AXDND1: variants seen among roughly 807,000 people sequenced by gnomAD.
The protein encoded by AXDND1 is axonemal dynein light chain domain containing 1.
In AXDND1, 110 loss-of-function variants were observed where a neutral mutation model predicts 137.5. The observed-to-expected ratio is 0.80, with a 90% CI of 0.69 to 0.94. The LOEUF (loss-of-function observed/expected upper bound fraction) is 0.94, where lower values mean the gene tolerates loss of function less well. AXDND1 is among the 40% of genes least tolerant of loss of function. The pLI, the probability that AXDND1 is intolerant of heterozygous loss-of-function variation, is 0.00. For missense variants in AXDND1, 1,191 were observed against 1,169.8 expected, an observed-to-expected ratio of 1.02 and a Z score of -0.26; for synonymous variants, 414 against 399.7, an observed-to-expected ratio of 1.04 and a Z score of -0.43.
At chr1:179,527,627 A>G (rs1255745745) in intron 22 of AXDND1, among the ~76,000 whole-genome samples, 2 of 152,206 alleles carry the variant, frequency 1.3e-5, no homozygotes, top group Non-Finnish European at 2.9e-5. Flanking sequence ...TTAATATCCT[A>G]TATAAGCAAG....
In AXDND1 at chr1:179,414,411, C is replaced by CTTTATTTATTTATTTA. The variant is rs80339851; in HGVS notation, c.1230+3157_1230+3172dup. ...AGATGTCAGTTCTCTCCAAATTAAT[C>CTTTATTTATTTATTTA]TTTATTTATTTATTTATTTATTTAT... On this transcript the variant is annotated intron_variant, in intron 12 of 25. Transcript: ENST00000367618. 2.5e-3 allele frequency among the ~76,000 whole-genome samples: 369 copies of CTTTATTTATTTATTTA among 149,268 alleles called. 1 individual carries two copies. In the East Asian group the frequency reaches 0.026, roughly 11 times the overall value.
At chr1:179,521,278 T>TATATTTAATTA (rs1670036761) in intron 21 of AXDND1, among the ~76,000 whole-genome samples, 1 of 152,142 alleles carries the variant, frequency 6.6e-6, no homozygotes, top group Admixed American at 6.5e-5. Context: ...TGCTGTGACT[T>TATATTTAATTA]TACTAAATTC....
intron 21 of AXDND1, among the ~76,000 whole-genome samples, chr1:179,515,572 G>A (rs751711408): frequency 6.6e-6 from 1 of 152,104 alleles, no homozygotes; most frequent in Non-Finnish European, 1.5e-5. Flanking sequence ...TTTTTGCGAT[G>A]AATTTCCCAG....
intron 17 of AXDND1, among the ~76,000 whole-genome samples, chr1:179,473,200 C>A (rs1448004723): frequency 1.3e-5 from 2 of 151,970 alleles, no homozygotes; most frequent in African/African-American, 4.8e-5. Flanking sequence ...TTTACCATAA[C>A]CTCCTTAATT....
intron 17 of AXDND1, among the ~76,000 whole-genome samples, chr1:179,469,483 C>A (rs1036799831): frequency 7.2e-5 from 11 of 152,066 alleles, no homozygotes; most frequent in African/African-American, 2.4e-4. Context: ...CATGTGCATG[C>A]TTTTTGTGGA....
chr1:179,507,160 A>G (rs1668617557), intron 20 of AXDND1, among the ~76,000 whole-genome samples: 1 of 152,218 alleles, frequency 6.6e-6, no homozygotes, highest in Admixed American at 6.5e-5. Flanking sequence ...AGAAGTCTTT[A>G]TTAGAATCAA....
chr1:179,487,518 T>C (rs1446321077), intron 18 of AXDND1, among the ~76,000 whole-genome samples: 1 of 147,014 alleles, frequency 6.8e-6, no homozygotes, highest in Admixed American at 6.7e-5. Context: ...TGATTTTTTA[T>C]AATTGCAGGT....
chr1:179,416,144 A>G (rs955474771), intron 12 of AXDND1, among the ~76,000 whole-genome samples: 1 of 151,992 alleles, frequency 6.6e-6, no homozygotes, highest in African/African-American at 2.4e-5. Flanking sequence ...CTCTATCTTC[A>G]TGTGATCCAC....
chr1:179,519,925 A>G (rs1044218765), intron 21 of AXDND1, among the ~76,000 whole-genome samples: 7 of 152,194 alleles, frequency 4.6e-5, no homozygotes, highest in African/African-American at 1.7e-4. Context: ...TCTGTGAAGA[A>G]TGTCAATGGT....
At chr1:179,392,957 C>T (rs1650428529) in intron 9 of AXDND1, among the ~76,000 whole-genome samples, 2 of 152,076 alleles carry the variant, frequency 1.3e-5, no homozygotes, top group South Asian at 4.2e-4. Flanking sequence ...TTTTGTTGTG[C>T]AGAAGTTCTT....
Position 179,486,633 on chromosome 1 carries a change from C to T in AXDND1, c.2091+3412C>T, listed in dbSNP as rs190670813. On this transcript the variant is annotated intron_variant, in intron 18 of 25. Transcript: ENST00000367618. ...TCCATAAGGCTAACAGCAGACATGT[C>T]AGCAGAAATCCTACAAGCCAAAAGA... is the stretch of plus-strand genomic sequence containing the variant. Among the ~76,000 whole-genome samples, 38 of 148,936 alleles carry T rather than the reference C, an allele frequency of 2.6e-4. 1 individual carries two copies. The highest frequency in any genetic ancestry group is 1.9e-3 in the Admixed American group (28 of 15,098).
At chr1:179,464,005 G>T (rs989835303) in intron 16 of AXDND1, among the ~76,000 whole-genome samples, 2 of 151,992 alleles carry the variant, frequency 1.3e-5, no homozygotes, top group Non-Finnish European at 2.9e-5. Flanking sequence ...TTGAGCCTAT[G>T]TGTGTCTCTG....
Position 179,552,601 on chromosome 1 carries a change from A to T in AXDND1, c.3032-1911A>T, listed in dbSNP as rs967339926. 3 of 1,612,294 alleles carry T rather than the reference A, an allele frequency of 1.9e-6. No individual in the cohort carries two copies. Among genetic ancestry groups the T allele is most frequent in the Non-Finnish European group, 2.5e-6 (3 of 1,178,816 alleles). The stretch of plus-strand genomic sequence containing the variant: ...GTCTGGGTGGGAGGATGGAGTGCTC[A>T]CCCGCACTTTGGCTTGTCTTTGCGC... On this transcript the variant is annotated intron_variant, in intron 25 of 25. Transcript: ENST00000367618.
At position 179,483,115 on chromosome 1, in the gene AXDND1, A is replaced by AT; in HGVS notation, c.1998-8dup. ...CAGCCAGTCACTTTTATTTTACTTG[A>AT]TTTTTCCTTCAGGGTACTCCAAGCG... On this transcript the variant is annotated splice_polypyrimidine_tract_variant and intron_variant, in intron 17 of 25. Coordinates refer to ENST00000367618, the MANE Select transcript of AXDND1 (RefSeq NM_144696.6). 6.5e-7 allele frequency: 1 copy of AT among 1,535,914 alleles called. No individual in the cohort carries two copies. The highest frequency in any genetic ancestry group is 8.9e-7 in the Non-Finnish European group (1 of 1,127,528).
chr1:179,418,595 C>T (rs1346063780), intron 12 of AXDND1, among the ~76,000 whole-genome samples: 29 of 151,444 alleles, frequency 1.9e-4, no homozygotes, highest in Non-Finnish European at 1.9e-4. Flanking sequence ...ACCTCCCGGA[C>T]GGGGCGGCTG....
chr1:179,383,201 T>TG (rs1558098510), intron 7 of AXDND1, among the ~76,000 whole-genome samples: 3 of 152,032 alleles, frequency 2.0e-5, no homozygotes, highest in Admixed American at 2.0e-4. Context: ...AGAATTTTTT[T>TG]TGGGGGGAAG....
At position 179,385,348 on chromosome 1, in the gene AXDND1, G is replaced by C; in HGVS notation, c.852G>C (p.Leu284=). The change falls in exon 9 of 26, where the codon CTG becomes CTC. Residue 284 remains leucine, a synonymous_variant. Coordinates refer to ENST00000367618, the MANE Select transcript of AXDND1 (RefSeq NM_144696.6). The stretch of plus-strand genomic sequence containing the variant: ...ACTGTGCAGACAGAGGAGAACTTCT[G>C]TCTAAAGTCAGGTTAGTGCTGTTAT... The part of the protein sequence containing the change: ...SVDCADRGEL[L]SKVRERYVQM... 6.2e-7 allele frequency: 1 copy of C among 1,614,042 alleles called. No homozygotes were observed. The highest frequency in any genetic ancestry group is 8.5e-7 in the Non-Finnish European group (1 of 1,179,974).
At position 179,491,647 on chromosome 1, in the gene AXDND1, C is replaced by T. The variant is rs753328562; in HGVS notation, c.2201C>T (p.Ala734Val). Residue 734 changes from alanine (A) to valine (V), a missense_variant, in exon 19 of 26, where the codon GCT becomes GTT. Coordinates refer to ENST00000367618, the MANE Select transcript of AXDND1 (RefSeq NM_144696.6). ...DCLLKLEEES[A>V]EKHDIGVARL... ...CTCCTAAAGTTGGAGGAGGAAAGTGCTGAGAAACATGATATAGGAGTTGCG... is the reference window on the plus strand; with the variant it reads ...CTCCTAAAGTTGGAGGAGGAAAGTGTTGAGAAACATGATATAGGAGTTGCG... 1 of 1,613,658 alleles carries T rather than the reference C, an allele frequency of 6.2e-7. No individual in the cohort carries two copies. The highest frequency in any genetic ancestry group is 1.1e-5 in the South Asian group (1 of 90,938).
At chr1:179,535,980 T>C (rs1464026736) in intron 25 of AXDND1, among the ~76,000 whole-genome samples, 1 of 152,246 alleles carries the variant, frequency 6.6e-6, no homozygotes, top group Non-Finnish European at 1.5e-5. Flanking sequence ...CCAGTGATAA[T>C]GAGCATTTTT....
Sources: allele counts gnomAD v4.1 joint callset (sites outside exome capture counted in the v4.1 genomes callset), GRCh38; gene constraint gnomAD v4.1.1; transcripts MANE v1.5; gene names NCBI Gene and HGNC (gene_info 2026-07-23, HGNC 2026-07-21).